The following SLC4A10 variants were observed in gnomAD, a reference collection of about 807,000 sequenced individuals.
SLC4A10 encodes sodium-driven chloride bicarbonate exchanger.
SLC4A10 carries 42 observed loss-of-function variants against 137.7 expected under a neutral mutation model. That is an observed-to-expected ratio of 0.30 (90% CI 0.24 to 0.39). SLC4A10 has a LOEUF of 0.39. SLC4A10 is among the 10% of genes least tolerant of loss of function. The pLI is 1.00. For missense variants in SLC4A10, 925 were observed against 1,355.0 expected, an observed-to-expected ratio of 0.68 and a Z score of 4.98; for synonymous variants, 474 against 464.1, an observed-to-expected ratio of 1.02 and a Z score of -0.27.
intron 5 of SLC4A10, among the ~76,000 whole-genome samples, chr2:161,861,891 A>C (rs1390067580): frequency 1.3e-5 from 2 of 152,206 alleles, no homozygotes; most frequent in Non-Finnish European, 2.9e-5. Flanking sequence ...ACTGAAGGAA[A>C]ACATTGTTGG....
intron 1 of SLC4A10, chr2:161,651,263 C>T (rs1051113611): frequency 2.6e-5 from 4 of 152,222 alleles, no homozygotes; most frequent in African/African-American, 7.3e-5. Flanking sequence ...GCTGGACACT[C>T]ATCTGGACAA....
intron 1 of SLC4A10, among the ~76,000 whole-genome samples, chr2:161,734,749 T>C (rs1250749767): frequency 1.3e-5 from 2 of 152,192 alleles, no homozygotes; most frequent in Admixed American, 1.3e-4. Flanking sequence ...ATATATATTT[T>C]TTTTCTGATA....
At chr2:161,920,819 G>T (rs1391915864) in intron 15 of SLC4A10, among the ~76,000 whole-genome samples, 1 of 152,196 alleles carries the variant, frequency 6.6e-6, no homozygotes, top group Non-Finnish European at 1.5e-5. Flanking sequence ...TCATACATGT[G>T]CTTACTCATT....
chr2:161,681,427 C>T (rs548577399), intron 1 of SLC4A10, among the ~76,000 whole-genome samples: 1 of 152,142 alleles, frequency 6.6e-6, no homozygotes, highest in Non-Finnish European at 1.5e-5. Flanking sequence ...GCTAGTGGAA[C>T]ATGGCTAGTT....
intron 15 of SLC4A10, among the ~76,000 whole-genome samples, chr2:161,914,193 C>T (rs1013086091): frequency 6.6e-6 from 1 of 152,118 alleles, no homozygotes; most frequent in Non-Finnish European, 1.5e-5. Flanking sequence ...ACAAGGTGTT[C>T]AGCTTATGCA....
At chr2:161,725,155 G>C (rs931615323) in intron 1 of SLC4A10, among the ~76,000 whole-genome samples, 7 of 152,124 alleles carry the variant, frequency 4.6e-5, no homozygotes, top group African/African-American at 7.2e-5. Context: ...ATGTAAGTAT[G>C]GCTGGGCCAG....
intron 4 of SLC4A10, among the ~76,000 whole-genome samples, chr2:161,852,986 T>C (rs2059913380): frequency 6.6e-6 from 1 of 152,224 alleles, no homozygotes; most frequent in African/African-American, 2.4e-5. Context: ...CTTTATGTAA[T>C]ACTATTCCAT....
chr2:161,918,633 G>A (rs1032611128), intron 15 of SLC4A10, among the ~76,000 whole-genome samples: 1 of 152,090 alleles, frequency 6.6e-6, no homozygotes. Context: ...TGACAAGGAG[G>A]GCAAAATACC....
At chr2:161,795,565 A>G (rs2054674585) in intron 2 of SLC4A10, among the ~76,000 whole-genome samples, 1 of 151,732 alleles carries the variant, frequency 6.6e-6, no homozygotes, top group Admixed American at 6.6e-5. Context: ...TATTATTAGT[A>G]TGTGTGTGTG....
chr2:161,673,453 G>A (rs1271547004), intron 1 of SLC4A10, among the ~76,000 whole-genome samples: 2 of 152,170 alleles, frequency 1.3e-5, no homozygotes, highest in African/African-American at 4.8e-5. Context: ...GGCTGGAAGT[G>A]TGTGAGGGAA....
At chr2:161,969,094 C>T (rs1698082643) in intron 23 of SLC4A10, among the ~76,000 whole-genome samples, 1 of 152,194 alleles carries the variant, frequency 6.6e-6, no homozygotes, top group South Asian at 2.1e-4. Context: ...AGAAATGTCT[C>T]AGCTCCCTGA....
At chr2:161,858,281 GT>G (rs2060215089) in intron 5 of SLC4A10, among the ~76,000 whole-genome samples, 1 of 152,036 alleles carries the variant, frequency 6.6e-6, no homozygotes, top group South Asian at 2.1e-4. Context: ...CCCAGATATT[GT>G]TTTGTAATGA....
At chr2:161,807,636 T>A (rs2056130558) in intron 3 of SLC4A10, among the ~76,000 whole-genome samples, 1 of 152,202 alleles carries the variant, frequency 6.6e-6, no homozygotes, top group East Asian at 1.9e-4. Flanking sequence ...TACTTTAGCA[T>A]TACTAGTATT....
At chr2:161,925,032 G>A (rs1312629779) in intron 15 of SLC4A10, among the ~76,000 whole-genome samples, 1 of 152,166 alleles carries the variant, frequency 6.6e-6, no homozygotes, top group Non-Finnish European at 1.5e-5. Context: ...GAAAGTGGAA[G>A]CTAGCAAACT....
At chr2:161,715,309 A>G (rs1164143859) in intron 1 of SLC4A10, among the ~76,000 whole-genome samples, 1 of 152,010 alleles carries the variant, frequency 6.6e-6, no homozygotes, top group Non-Finnish European at 1.5e-5. Context: ...GTAAACTGAA[A>G]CTACTGTGAA....
At chr2:161,949,832 G>A (rs1694481283) in intron 18 of SLC4A10, among the ~76,000 whole-genome samples, 3 of 151,780 alleles carry the variant, frequency 2.0e-5, no homozygotes, top group Non-Finnish European at 2.9e-5. Flanking sequence ...TAACCTGAAG[G>A]TAATTTTATA....
At chr2:161,795,801 A>T (rs2054709649) in intron 2 of SLC4A10, among the ~76,000 whole-genome samples, 1 of 152,124 alleles carries the variant, frequency 6.6e-6, no homozygotes, top group Admixed American at 6.6e-5. Flanking sequence ...AACACTTAGC[A>T]TAGTAGATGG....
At chr2:161,768,665 C>T (rs1366720506) in intron 1 of SLC4A10, among the ~76,000 whole-genome samples, 2 of 151,916 alleles carry the variant, frequency 1.3e-5, no homozygotes, top group Non-Finnish European at 2.9e-5. Context: ...GTAGACTTCC[C>T]ATCTATTTCA....
At chr2:161,737,411 T>C (rs2125224066) in intron 1 of SLC4A10, among the ~76,000 whole-genome samples, 1 of 151,756 alleles carries the variant, frequency 6.6e-6, no homozygotes, top group Non-Finnish European at 1.5e-5. Context: ...ATAAATACTT[T>C]ATACAGAATA....
Sources: allele counts gnomAD v4.1 joint callset (sites outside exome capture counted in the v4.1 genomes callset), GRCh38; gene constraint gnomAD v4.1.1; transcripts MANE v1.5; gene names NCBI Gene and HGNC (gene_info 2026-07-23, HGNC 2026-07-21).